BACH2: variants seen among roughly 807,000 people sequenced by gnomAD.
The protein encoded by BACH2 is transcription regulator protein BACH2.
A neutral mutation model predicts 61.8 loss-of-function variants in BACH2; 5 were observed. The observed-to-expected ratio is 0.08, with a 90% CI of 0.04 to 0.17. BACH2 has a LOEUF of 0.17. BACH2 is among the 10% of genes least tolerant of loss of function. BACH2 has a pLI of 1.00. For synonymous variants in BACH2, 446 were observed against 440.1 expected (o/e 1.01, Z -0.17); for missense variants, 824 against 1,091.1 (o/e 0.76, Z 3.45).
intron 3 of BACH2, among the ~76,000 whole-genome samples, chr6:90,243,242 C>T (rs571661503): frequency 2.0e-5 from 3 of 151,836 alleles, no homozygotes; most frequent in Admixed American, 6.6e-5. Flanking sequence ...AATAACTAGT[C>T]GCAAGGATCG....
intron 6 of BACH2, among the ~76,000 whole-genome samples, chr6:89,980,435 A>G (rs1180528521): frequency 1.3e-5 from 2 of 152,226 alleles, no homozygotes; most frequent in Non-Finnish European, 2.9e-5. Context: ...AGAAAAGTGC[A>G]TTATAAGTAA....
chr6:89,960,450 A>C (rs1371407140), intron 6 of BACH2, among the ~76,000 whole-genome samples: 1 of 152,214 alleles, frequency 6.6e-6, no homozygotes, highest in African/African-American at 2.4e-5. Context: ...TCATATGGAA[A>C]CATGTTATTG....
intron 3 of BACH2, among the ~76,000 whole-genome samples, chr6:90,230,751 T>C (rs975502908): frequency 4.6e-5 from 7 of 152,112 alleles, no homozygotes; most frequent in African/African-American, 1.2e-4. Flanking sequence ...TGATGATAAA[T>C]AGCAGAACTT....
intron 5 of BACH2, among the ~76,000 whole-genome samples, chr6:90,028,941 G>T (rs1007322392): frequency 2.0e-5 from 3 of 152,198 alleles, no homozygotes; most frequent in Non-Finnish European, 4.4e-5. Context: ...TTACGTGTTT[G>T]TTTGTTCATT....
At position 90,076,572 on chromosome 6, in the gene BACH2, T is replaced by A. The variant is rs9451342; in HGVS notation, c.-13+12389A>T. On this transcript the variant is annotated intron_variant, in intron 5 of 8. Transcript: ENST00000257749. ...CCCTGAAGCTAGTTGTACTGTAATA[T>A]CTTCTGCATGGTGCCAACAGCCCCC... is the stretch of plus-strand genomic sequence containing the variant. 2.4e-3 allele frequency among the ~76,000 whole-genome samples: 372 copies of A among 152,290 alleles called. 2 individuals are homozygous for A. The highest frequency in any genetic ancestry group is 8.4e-3 in the African/African-American group (351 of 41,566).
chr6:90,203,745 G>A (rs1252825576), intron 4 of BACH2, among the ~76,000 whole-genome samples: 3 of 152,152 alleles, frequency 2.0e-5, no homozygotes, highest in African/African-American at 7.2e-5. Flanking sequence ...ACTGGCCTCA[G>A]GGATGACAGC....
At chr6:90,095,972 C>A (rs1782366951) in intron 4 of BACH2, among the ~76,000 whole-genome samples, 1 of 152,188 alleles carries the variant, frequency 6.6e-6, no homozygotes, top group Non-Finnish European at 1.5e-5. Flanking sequence ...TGAATCCAAG[C>A]TGGCCTGTCA....
In BACH2 at chr6:90,252,584, C is replaced by T. The variant is rs966474235; in HGVS notation, c.-346G>A. On this transcript the variant is annotated 5_prime_UTR_variant, in exon 3 of 9. It adds an upstream start codon to the 5' untranslated region. Coordinates refer to ENST00000257749, the MANE Select transcript of BACH2 (RefSeq NM_021813.4). ...CAGGCAAAGATGATCAACAGCAACA[C>T]TCTTATCTAAAGCAAAAGTAATGGA... is the stretch of plus-strand genomic sequence containing the variant. 2 of 152,178 alleles carry T rather than the reference C, an allele frequency of 1.3e-5. No individual in the cohort carries two copies. The highest frequency in any genetic ancestry group is 2.9e-5 in the Non-Finnish European group (2 of 68,048). 9.4% of individuals were successfully genotyped at this position (152,178 alleles called of 1,614,324 possible).
At chr6:89,938,456 T>C (rs989567258) in intron 7 of BACH2, 106 bp from the exon 8 acceptor site, 3 of 869,692 alleles carry the variant, frequency 3.4e-6, no homozygotes, top group East Asian at 2.6e-5. Flanking sequence ...CCAAGTAATA[T>C]GGAAACTACT....
At chr6:89,977,281 CAGA>C (rs2128362246) in intron 6 of BACH2, among the ~76,000 whole-genome samples, 1 of 152,230 alleles carries the variant, frequency 6.6e-6, no homozygotes, top group East Asian at 1.9e-4. Context: ...AAGCCATGTA[CAGA>C]AGGTTAGCTA....
intron 3 of BACH2, among the ~76,000 whole-genome samples, chr6:90,238,794 T>C (rs944017377): frequency 6.6e-6 from 1 of 152,202 alleles, no homozygotes; most frequent in Non-Finnish European, 1.5e-5. Flanking sequence ...AAGATGGCTG[T>C]TTCTCACGGT....
intron 5 of BACH2, among the ~76,000 whole-genome samples, chr6:90,083,675 A>C (rs1781813157): frequency 6.6e-6 from 1 of 152,206 alleles, no homozygotes; most frequent in Admixed American, 6.5e-5. Flanking sequence ...CAGAACATTC[A>C]ACATTTAACC....
At chr6:90,070,915 T>C (rs965594393) in intron 5 of BACH2, among the ~76,000 whole-genome samples, 1 of 152,224 alleles carries the variant, frequency 6.6e-6, no homozygotes, top group East Asian at 1.9e-4. Flanking sequence ...TCTGACACCC[T>C]CTCCATTCCT....
chr6:89,995,582 A>C (rs913275959), intron 6 of BACH2, among the ~76,000 whole-genome samples: 5 of 152,088 alleles, frequency 3.3e-5, no homozygotes, highest in Admixed American at 3.3e-4. Context: ...AGTGTGTGTG[A>C]TGTTACTTTG....
chr6:90,279,987 G>T (rs567345870), intron 1 of BACH2, among the ~76,000 whole-genome samples: 2 of 151,986 alleles, frequency 1.3e-5, no homozygotes, highest in Non-Finnish European at 2.9e-5. Flanking sequence ...CCTTTTGAGG[G>T]GAAAAAGGTA....
At position 89,951,908 on chromosome 6, in the gene BACH2, T is replaced by C. The variant is rs199498315; in HGVS notation, c.244-46A>G. The C allele has an allele frequency of 2.5e-6, 4 of 1,579,292 alleles. No individual in the cohort carries two copies. Among genetic ancestry groups the C allele is most frequent in the Non-Finnish European group, 3.5e-6 (4 of 1,159,420 alleles). On this transcript the variant is annotated intron_variant, in intron 6 of 8. Coordinates refer to ENST00000257749, the MANE Select transcript of BACH2 (RefSeq NM_021813.4). The surrounding 1 kb of genome is among the most constrained non-coding windows in gnomAD (Gnocchi z 6.4). ...TCGCCAACATTACCATCAGCACTGC[T>C]ATTGTCCCGAATCCCTCAACTGAAG...
intron 1 of BACH2, among the ~76,000 whole-genome samples, chr6:90,282,121 T>C (rs543508235): frequency 3.5e-4 from 54 of 152,372 alleles, no homozygotes; most frequent in African/African-American, 1.2e-3. Context: ...TTCCAGTTTT[T>C]TGCTCTTATG....
chr6:90,009,132 A>G (rs1035469912), intron 5 of BACH2, among the ~76,000 whole-genome samples: 1 of 148,710 alleles, frequency 6.7e-6, no homozygotes, highest in East Asian at 2.0e-4. Context: ...AGATCTTTTA[A>G]TAGAACATTT....
At chr6:90,093,747 G>A (rs1186501703) in intron 4 of BACH2, among the ~76,000 whole-genome samples, 1 of 152,120 alleles carries the variant, frequency 6.6e-6, no homozygotes, top group Non-Finnish European at 1.5e-5. Flanking sequence ...CCATGTTTAG[G>A]TGTCTCAGAA....
Sources: allele counts gnomAD v4.1 joint callset (sites outside exome capture counted in the v4.1 genomes callset), GRCh38; gene constraint gnomAD v4.1.1; non-coding constraint Gnocchi (gnomAD v3.1); transcripts MANE v1.5; gene names NCBI Gene and HGNC (gene_info 2026-07-23, HGNC 2026-07-21).